Variants in CLCA4 observed in about 807,000 individuals in gnomAD.
CLCA4 encodes chloride channel accessory 4.
In CLCA4, 69 loss-of-function variants were observed where a neutral mutation model predicts 78.9. That is an observed-to-expected ratio of 0.87 (90% confidence interval 0.72 to 1.07). The LOEUF (loss-of-function observed/expected upper bound fraction) is 1.07. Among genes scored for constraint, CLCA4 ranks in the 50% least tolerant of loss-of-function variants. The probability of loss-of-function intolerance (pLI) is 0.00; values close to 1 mark genes in which losing one functional copy is unlikely to be tolerated. For synonymous variants in CLCA4, 362 were observed against 375.8 expected, an observed-to-expected ratio of 0.96 and a Z score of 0.42; for missense variants, 1,133 against 1,095.8, an observed-to-expected ratio of 1.03 and a Z score of -0.48.
At chr1:86,558,097 G>T (rs538395845) in intron 1 of CLCA4, among the ~76,000 whole-genome samples, 1 of 152,162 alleles carries the variant, frequency 6.6e-6, no homozygotes, top group South Asian at 2.1e-4. Flanking sequence ...GCCTTTATAA[G>T]ATGATTCTCT....
At chr1:86,571,843 T>G (rs1298117517) in intron 8 of CLCA4, among the ~76,000 whole-genome samples, 1 of 152,058 alleles carries the variant, frequency 6.6e-6, no homozygotes, top group African/African-American at 2.4e-5. Flanking sequence ...ACAGATGTGA[T>G]GAAAATGGAT....
At chr1:86,558,529 C>T (rs951025383) in intron 1 of CLCA4, among the ~76,000 whole-genome samples, 4 of 152,126 alleles carry the variant, frequency 2.6e-5, no homozygotes, top group Non-Finnish European at 5.9e-5. Context: ...TTAATAAAGA[C>T]ATACCTGAGA....
intron 2 of CLCA4, 46 bp from the exon 3 acceptor site, chr1:86,560,165 A>C (rs1353603971): frequency 6.4e-7 from 1 of 1,574,734 alleles, no homozygotes; most frequent in Non-Finnish European, 8.6e-7. Flanking sequence ...ACTGAATATT[A>C]TCTTTTTTAT....
At chr1:86,577,358 G>A (rs545771565) in intron 11 of CLCA4, among the ~76,000 whole-genome samples, 13 of 152,162 alleles carry the variant, frequency 8.5e-5, no homozygotes, top group Admixed American at 3.3e-4. Flanking sequence ...GAATCATCTC[G>A]AGGGTTTGTA....
chr1:86,553,531 G>C (rs962602807), intron 1 of CLCA4, among the ~76,000 whole-genome samples: 2 of 152,202 alleles, frequency 1.3e-5, no homozygotes, highest in Non-Finnish European at 2.9e-5. Flanking sequence ...CGCCGCTGCC[G>C]CCTGCTTCCC....
intron 1 of CLCA4, chr1:86,553,383 G>A (rs1649722911): frequency 2.0e-6 from 1 of 512,486 alleles, no homozygotes; most frequent in South Asian, 2.7e-5. Flanking sequence ...CTGCCGTCTC[G>A]TGCATCCCAC....
chr1:86,554,739 T>C (rs1649782259), intron 1 of CLCA4, among the ~76,000 whole-genome samples: 1 of 152,208 alleles, frequency 6.6e-6, no homozygotes, highest in Admixed American at 6.5e-5. Flanking sequence ...GGTTGAATGG[T>C]AGTTCTGCTT....
Position 86,579,488 on chromosome 1 carries a change from T to G in CLCA4, c.2257T>G (p.Tyr753Asp). The G allele has an allele frequency of 6.2e-7, 1 of 1,613,218 alleles. No homozygotes were observed. The highest frequency in any genetic ancestry group is 8.5e-7 in the Non-Finnish European group (1 of 1,179,466). ...QVPSLPLPDQ[Y>D]PPSQITDLDA... ...CCCAAGCCTTCCCTTGCCTGACCAA[T>G]ACCCACCAAGTCAAATCACAGACCT... Residue 753 changes from tyrosine to aspartate, a missense_variant, in exon 13 of 14, where the codon TAC becomes GAC. Transcript: ENST00000370563.
chr1:86,560,454 A>G (rs1649984699), intron 3 of CLCA4, 96 bp downstream of exon 3: 1 of 1,258,714 alleles, frequency 7.9e-7, no homozygotes, highest in African/African-American at 1.5e-5. Context: ...AAGTCCCTAG[A>G]ATCAAATCCT....
intron 11 of CLCA4, among the ~76,000 whole-genome samples, chr1:86,577,602 A>G (rs1650557304): frequency 6.6e-6 from 1 of 152,076 alleles, no homozygotes; most frequent in African/African-American, 2.4e-5. Context: ...ACTATATGTA[A>G]TATTCTGTAT....
At chr1:86,571,292 A>C in intron 8 of CLCA4, 38 bp downstream of exon 8, 1 of 1,556,510 alleles carries the variant, frequency 6.4e-7, no homozygotes. Context: ...CTTCAATAGT[A>C]ATGCATAAAT....
At position 86,553,210 on chromosome 1, in the gene CLCA4, G is replaced by A. The variant is rs1649717624; in HGVS notation, c.159+5932G>A. 3 of 1,171,298 alleles carry A rather than the reference G, an allele frequency of 2.6e-6. No individual in the cohort carries two copies. The South Asian group carries it at 3.7e-5, about 15-fold the overall frequency. 72.6% of individuals were successfully genotyped at this position (1,171,298 alleles called of 1,614,324 possible). ...TCCACAAGCATGTGGCAAAGCTGCA[G>A]CTTCACCAGGGACATGTCCAAGAGG... On this transcript the variant is annotated intron_variant, in intron 1 of 13. Coordinates refer to ENST00000370563, the MANE Select transcript of CLCA4 (RefSeq NM_012128.4).
intron 1 of CLCA4, among the ~76,000 whole-genome samples, chr1:86,549,873 G>C (rs1649606519): frequency 6.6e-6 from 1 of 152,174 alleles, no homozygotes; most frequent in South Asian, 2.1e-4. Flanking sequence ...CTGAATTCAT[G>C]ATGAAGAATG....
At position 86,571,188 on chromosome 1, in the gene CLCA4, A is replaced by G. The variant is rs1209474785; in HGVS notation, c.1294A>G (p.Ile432Val). 7 of 1,613,026 alleles carry G rather than the reference A, an allele frequency of 4.3e-6. No individual in the cohort carries two copies. Among genetic ancestry groups the G allele is most frequent in the African/African-American group, 1.3e-5 (1 of 74,986 alleles). ...TGATGAAGTGAAACAAAGTGGGGCC[A>G]TTGTTCATTTTATTGCTTTGGGAAG... ...CIDEVKQSGA[I>V]VHFIALGRAA... The change falls in exon 8 of 14, where the codon ATT becomes GTT. Residue 432 changes from isoleucine (I) to valine (V), a missense_variant. Physicochemically the swap from Ile to Val is conservative, Grantham distance 29 (BLOSUM62 3). Coordinates refer to ENST00000370563, the MANE Select transcript of CLCA4 (RefSeq NM_012128.4).
chr1:86,565,949 C>G lies in CLCA4; in HGVS notation c.883C>G (p.Pro295Ala), dbSNP rs200941009. ...TIPMVTPPPP[P>A]VFSLLKISQR... ...ACCCATGGTGACACCACCTCCTCCA[C>G]CTGTCTTCTCATTGCTGAAGATCAG... The change falls in exon 6 of 14, where the codon CCT (proline) becomes GCT (alanine). Residue 295 changes from proline to alanine, a missense_variant. By Grantham distance (27) the Pro-to-Ala change is conservative. Coordinates refer to ENST00000370563, the MANE Select transcript of CLCA4 (RefSeq NM_012128.4). 1.2e-6 allele frequency: 2 copies of G among 1,613,288 alleles called. No homozygotes were observed. Among genetic ancestry groups the G allele is most frequent in the East Asian group, 4.5e-5 (2 of 44,854 alleles).
chr1:86,576,225 A>T (rs1476323240), intron 11 of CLCA4, among the ~76,000 whole-genome samples: 1 of 152,004 alleles, frequency 6.6e-6, no homozygotes, highest in African/African-American at 2.4e-5. Context: ...GTTCAGTAGC[A>T]CCATTTCAGC....
At chr1:86,557,974 G>A (rs187153102) in intron 1 of CLCA4, among the ~76,000 whole-genome samples, 1 of 151,328 alleles carries the variant, frequency 6.6e-6, no homozygotes, top group East Asian at 1.9e-4. Context: ...ATCTTTGTTG[G>A]TTTGAAGTCT....
rs79077491 is a variant in CLCA4 at position 86,551,730 on chromosome 1, G to A, written c.159+4452G>A. 6.0e-4 allele frequency among the ~76,000 whole-genome samples: 91 copies of A among 152,338 alleles called. 2 individuals carry two copies. In the East Asian group the frequency reaches 0.011, roughly 18 times the overall value. Reference sequence around the variant, plus strand: ...ACACCGCCTGTCAGAAGGCACCACGGAGGGTCTCTGAGGTCCTGAAGACCA... The same window carrying A: ...ACACCGCCTGTCAGAAGGCACCACGAAGGGTCTCTGAGGTCCTGAAGACCA... On this transcript the variant is annotated intron_variant, in intron 1 of 13. Transcript: ENST00000370563.
intron 8 of CLCA4, 104 bp downstream of exon 8, chr1:86,571,358 G>A (rs1650346146): frequency 5.3e-6 from 6 of 1,141,360 alleles, no homozygotes; most frequent in East Asian, 2.5e-5. Context: ...AGGCACTGAA[G>A]CTGGGGACCA....
Sources: allele counts gnomAD v4.1 joint callset (sites outside exome capture counted in the v4.1 genomes callset), GRCh38; gene constraint gnomAD v4.1.1; transcripts MANE v1.5; gene names NCBI Gene and HGNC (gene_info 2026-07-23, HGNC 2026-07-21).